Variants in MYO1D observed in about 807,000 individuals in gnomAD.
The protein encoded by MYO1D is myosin ID.
In MYO1D, 83 loss-of-function variants were observed where a neutral mutation model predicts 122.0. The observed-to-expected ratio is 0.68, with a 90% CI of 0.57 to 0.82. The LOEUF is 0.82. Ranked by LOEUF, MYO1D falls within the 40% of genes least tolerant of loss-of-function variation. MYO1D has a pLI of 0.00. For synonymous variants in MYO1D, 464 were observed against 446.9 expected (o/e 1.04, Z -0.48); for missense variants, 1,157 against 1,269.5 (o/e 0.91, Z 1.35).
rs1385432696 is a variant in MYO1D at position 32,780,710 on chromosome 17, A to G, written c.170T>C (p.Ile57Thr). The change falls in exon 2 of 22, where the codon ATC becomes ACC. Residue 57 changes from isoleucine (I) to threonine (T), a missense_variant. Physicochemically the swap from Ile to Thr is moderately conservative, Grantham distance 89 (BLOSUM62 -1). Transcript: ENST00000318217. Reference sequence around the variant, plus strand: ...CTGCTCAATTGTGTCTCTTCCATAGATGTTCAACAACTTGTAAGGGTTCAC... The same window carrying G: ...CTGCTCAATTGTGTCTCTTCCATAGGTGTTCAACAACTTGTAAGGGTTCAC... ...VSVNPYKLLN[I>T]YGRDTIEQYK... is the part of the protein sequence containing the mutation. 6.2e-7 allele frequency: 1 copy of G among 1,614,028 alleles called. No homozygotes were observed. Among genetic ancestry groups the G allele is most frequent in the Admixed American group, 1.7e-5 (1 of 60,012 alleles).
chr17:32,698,609 C>T (rs547421716), intron 16 of MYO1D, among the ~76,000 whole-genome samples: 1 of 152,080 alleles, frequency 6.6e-6, no homozygotes, highest in Admixed American at 6.5e-5. Flanking sequence ...ATCCAATTTT[C>T]AGATAATGAT....
intron 1 of MYO1D, among the ~76,000 whole-genome samples, chr17:32,852,339 C>G (rs1462990332): frequency 2.0e-5 from 3 of 152,090 alleles, no homozygotes; most frequent in Non-Finnish European, 2.9e-5. Context: ...GTTGACCAGG[C>G]TGGTCTCGAA....
At chr17:32,577,040 A>C (rs1008200864) in intron 21 of MYO1D, among the ~76,000 whole-genome samples, 36 of 152,104 alleles carry the variant, frequency 2.4e-4, no homozygotes, top group African/African-American at 8.7e-4. Context: ...GCCTGAGCTC[A>C]GGAGTTTGCG....
At chr17:32,647,137 A>C (rs2088306701) in intron 19 of MYO1D, among the ~76,000 whole-genome samples, 1 of 152,220 alleles carries the variant, frequency 6.6e-6, no homozygotes, top group South Asian at 2.1e-4. Flanking sequence ...CCACAGATAA[A>C]AGTTTATCTG....
rs186931715 is a variant in MYO1D, at chr17:32,856,976, T to A, written c.95+19802A>T. Among the ~76,000 whole-genome samples, 3 of 152,314 alleles carry A rather than the reference T, an allele frequency of 2.0e-5. No individual in the cohort carries two copies. In the East Asian group the frequency reaches 5.8e-4, roughly 29 times the overall value. On this transcript the variant is annotated intron_variant, in intron 1 of 21. Coordinates refer to ENST00000318217, the MANE Select transcript of MYO1D (RefSeq NM_015194.3). ...TGCTCTCTATTCCTTTCCATATGTATGAAGCAGGGGTAGCAGAAATGTCAA... is the reference window on the plus strand; with the variant it reads ...TGCTCTCTATTCCTTTCCATATGTAAGAAGCAGGGGTAGCAGAAATGTCAA...
intron 16 of MYO1D, 24 bp downstream of exon 16, chr17:32,711,964 C>T (rs1567961123): frequency 1.3e-6 from 2 of 1,564,170 alleles, no homozygotes; most frequent in East Asian, 2.3e-5. Flanking sequence ...AAATCTTATC[C>T]TTATATATAA....
intron 1 of MYO1D, among the ~76,000 whole-genome samples, chr17:32,832,292 T>C (rs2151066905): frequency 6.7e-6 from 1 of 148,918 alleles, no homozygotes; most frequent in African/African-American, 2.5e-5. Context: ...TTTTCTTTCT[T>C]CTTTTTTTTT....
intron 13 of MYO1D, among the ~76,000 whole-genome samples, chr17:32,742,329 G>A (rs919333160): frequency 6.6e-6 from 1 of 152,182 alleles, no homozygotes; most frequent in Non-Finnish European, 1.5e-5. Flanking sequence ...CGGGACAACT[G>A]TATTCCATTC....
intron 1 of MYO1D, among the ~76,000 whole-genome samples, chr17:32,839,637 C>T (rs781345747): frequency 1.3e-5 from 2 of 152,146 alleles, no homozygotes; most frequent in Non-Finnish European, 2.9e-5. Context: ...GAAGGAAGCT[C>T]ACCCTATAGG....
At chr17:32,520,391 C>G (rs545962262) in intron 21 of MYO1D, among the ~76,000 whole-genome samples, 1 of 152,324 alleles carries the variant, frequency 6.6e-6, no homozygotes, top group South Asian at 2.1e-4. Flanking sequence ...GCTATGAAGT[C>G]ACACAAAGAG....
intron 16 of MYO1D, among the ~76,000 whole-genome samples, chr17:32,677,576 GATAAATAT>G (rs1261439913): frequency 1.5e-4 from 15 of 98,940 alleles, no homozygotes; most frequent in Non-Finnish European, 2.4e-4. Flanking sequence ...TATATAGATA[GATAAATAT>G]ATATATATAT....
chr17:32,722,954 C>G (rs771910178), intron 14 of MYO1D, among the ~76,000 whole-genome samples: 2 of 151,982 alleles, frequency 1.3e-5, no homozygotes, highest in Admixed American at 1.3e-4. Context: ...GACCTCTGGG[C>G]AGGTTAGGGG....
In MYO1D at chr17:32,877,023, G is replaced by C; in HGVS notation, c.-151C>G. The C allele has an allele frequency of 3.4e-6, 1 of 292,220 alleles. No individual in the cohort carries two copies. Among genetic ancestry groups the C allele is most frequent in the Non-Finnish European group, 6.0e-6 (1 of 165,554 alleles). 18.1% of individuals were successfully genotyped at this position (292,220 alleles called of 1,614,324 possible). A position where few individuals can be genotyped will look rare whatever the true frequency, so the allele number is the denominator to read the frequency against. ...CCGCTCGGCGGGTCCGGGCCGGACAGAGGCCGCCTCGCTGCTCCTCGGCGC... is the reference window on the plus strand; with the variant it reads ...CCGCTCGGCGGGTCCGGGCCGGACACAGGCCGCCTCGCTGCTCCTCGGCGC... On this transcript the variant is annotated 5_prime_UTR_variant, in exon 1 of 22. Transcript: ENST00000318217.
intron 1 of MYO1D, among the ~76,000 whole-genome samples, chr17:32,808,867 A>T (rs1259047631): frequency 6.6e-6 from 1 of 152,220 alleles, no homozygotes; most frequent in Non-Finnish European, 1.5e-5. Flanking sequence ...TCTGCCATTT[A>T]TAAGCTACCT....
intron 1 of MYO1D, among the ~76,000 whole-genome samples, chr17:32,805,958 T>G (rs1845737471): frequency 6.6e-6 from 1 of 152,148 alleles, no homozygotes; most frequent in African/African-American, 2.4e-5. Context: ...AGTTCATGAT[T>G]ATTATAAAGT....
intron 1 of MYO1D, among the ~76,000 whole-genome samples, chr17:32,862,369 G>T (rs2091085040): frequency 6.6e-6 from 1 of 152,178 alleles, no homozygotes; most frequent in African/African-American, 2.4e-5. Context: ...ATCCAGAAAA[G>T]AATAAAGACA....
At chr17:32,749,810 CCTTAAGGAGGACCATACTGAAGGAGGA>C (rs1567623257) in intron 11 of MYO1D, among the ~76,000 whole-genome samples, 3 of 152,272 alleles carry the variant, frequency 2.0e-5, no homozygotes, top group South Asian at 4.1e-4. Context: ...TCTTTCTCCT[CCTTAAGGAGGACCATACTGAAGGAGGA>C]CTTAAGGAGG....
rs376609692 is a variant in MYO1D at position 32,577,888 on chromosome 17, G to A, written c.2864+27199C>T. Reference sequence around the variant, plus strand: ...TGAGTAGCTGGGACTACAGGCACCCGCCACCACGCCTGGCTAATTTTTTTG... The same window carrying A: ...TGAGTAGCTGGGACTACAGGCACCCACCACCACGCCTGGCTAATTTTTTTG... On this transcript the variant is annotated intron_variant, in intron 21 of 21. Coordinates refer to ENST00000318217, the MANE Select transcript of MYO1D (RefSeq NM_015194.3). 2.8e-3 allele frequency among the ~76,000 whole-genome samples: 431 copies of A among 152,092 alleles called. 1 individual carries two copies. Among genetic ancestry groups the A allele is most frequent in the Non-Finnish European group, 4.0e-3 (274 of 67,994 alleles).
At chr17:32,705,919 G>T (rs1439463652) in intron 16 of MYO1D, among the ~76,000 whole-genome samples, 1 of 152,056 alleles carries the variant, frequency 6.6e-6, no homozygotes, top group African/African-American at 2.4e-5. Flanking sequence ...TCTCTTTGCC[G>T]GCCACCATGT....
Sources: allele counts gnomAD v4.1 joint callset (sites outside exome capture counted in the v4.1 genomes callset), GRCh38; gene constraint gnomAD v4.1.1; transcripts MANE v1.5; gene names NCBI Gene and HGNC (gene_info 2026-07-23, HGNC 2026-07-21).